SHANK2: variants seen among roughly 807,000 people sequenced by gnomAD.
SHANK2 encodes SH3 and multiple ankyrin repeat domains 2, also known as SH3 and multiple ankyrin repeat domains protein 2.
In SHANK2, 43 loss-of-function variants were observed where a neutral mutation model predicts 133.7. The observed-to-expected ratio is 0.32, with a 90% CI of 0.25 to 0.41. SHANK2 has a LOEUF of 0.41. SHANK2 is among the 10% of genes least tolerant of loss of function. The probability of loss-of-function intolerance (pLI) is 1.00; values close to 1 mark genes in which losing one functional copy is unlikely to be tolerated. For missense variants in SHANK2, 1,994 were observed against 2,235.8 expected (o/e 0.89, Z 2.18); for synonymous variants, 1,017 against 952.8 (o/e 1.07, Z -1.24).
In SHANK2 at chr11:70,486,817, C is replaced by G. The variant is rs1202700362; in HGVS notation, c.3476G>C (p.Gly1159Ala). 2.5e-6 allele frequency: 4 copies of G among 1,612,400 alleles called. No individual in the cohort carries two copies. Among genetic ancestry groups the G allele is most frequent in the Non-Finnish European group, 3.4e-6 (4 of 1,179,936 alleles). The change falls in exon 25 of 26, where the codon GGT (glycine) becomes GCT (alanine). Residue 1159 changes from glycine to alanine, a missense_variant. By Grantham distance (60) the Gly-to-Ala change is moderately conservative. Around this residue, in one of 5 missense-constraint regions of SHANK2, gnomAD observed 797 missense variants for 907.4 expected, o/e 0.88. Transcript: ENST00000601538. This position sits in a 1 kb window ranked among gnomAD's most constrained non-coding sequence, Gnocchi z 8.0. Reference sequence around the variant, plus strand: ...ACCCGGAGCACTGGCCTCGGCGCCACCCACGAAATGGTTTTCGGGCTCCCT... The same window carrying G: ...ACCCGGAGCACTGGCCTCGGCGCCAGCCACGAAATGGTTTTCGGGCTCCCT... ...TPREPENHFV[G>A]GAEASAPGEA...
At chr11:71,233,962 G>T (rs1462754511) in intron 1 of SHANK2, among the ~76,000 whole-genome samples, 1 of 151,916 alleles carries the variant, frequency 6.6e-6, no homozygotes, top group African/African-American at 2.4e-5. Context: ...CAGGAAAATT[G>T]CTTGAACCCG....
intron 11 of SHANK2, among the ~76,000 whole-genome samples, chr11:70,831,797 G>A (rs111854256): frequency 6.6e-6 from 1 of 152,224 alleles, no homozygotes; most frequent in Non-Finnish European, 1.5e-5. Flanking sequence ...GTTCAGTGGC[G>A]ATCAGACGCC....
At chr11:70,608,349 T>C (rs996494066) in intron 17 of SHANK2, among the ~76,000 whole-genome samples, 1 of 152,140 alleles carries the variant, frequency 6.6e-6, no homozygotes, top group Non-Finnish European at 1.5e-5. Context: ...AGGAGCTCCC[T>C]AGTTGAACAC....
chr11:71,162,267 C>T (rs1279395352), intron 2 of SHANK2, among the ~76,000 whole-genome samples: 13 of 152,188 alleles, frequency 8.5e-5, no homozygotes, highest in Non-Finnish European at 1.5e-4. Context: ...GACCTTCTTG[C>T]TGCATCATGA....
rs1381331122 is a variant in SHANK2, at chr11:70,940,583, AT to A, written c.1108-44017del. Among the ~76,000 whole-genome samples, 89 of 152,106 alleles carry A rather than the reference AT, an allele frequency of 5.9e-4. 1 individual carries two copies. Among genetic ancestry groups the A allele is most frequent in the African/African-American group, 2.1e-3 (86 of 41,502 alleles). ...CACAGCAGGCCCAGGACACAAAGGC[AT>A]CTCTCCCATTACCCAGTGCCCCTCC... On this transcript the variant is annotated intron_variant, in intron 10 of 25. Coordinates refer to ENST00000601538, the MANE Select transcript of SHANK2 (RefSeq NM_012309.5).
At chr11:70,612,410 A>G (rs577512980) in intron 17 of SHANK2, among the ~76,000 whole-genome samples, 1 of 152,252 alleles carries the variant, frequency 6.6e-6, no homozygotes, top group South Asian at 2.1e-4. Flanking sequence ...GAAGGCATGA[A>G]AGGTTGGGTT....
chr11:70,833,668 G>A (rs880002256), intron 11 of SHANK2, among the ~76,000 whole-genome samples: 7 of 152,266 alleles, frequency 4.6e-5, no homozygotes, highest in Non-Finnish European at 8.8e-5. Flanking sequence ...TGCATACTGG[G>A]TGCAGTACTT....
At chr11:70,637,690 C>T (rs1019040814) in intron 17 of SHANK2, among the ~76,000 whole-genome samples, 1 of 152,224 alleles carries the variant, frequency 6.6e-6, no homozygotes, top group Non-Finnish European at 1.5e-5. Flanking sequence ...CGAGGGGAGA[C>T]TGGCTGCTCC....
At chr11:70,731,504 A>G (rs1404762018) in intron 14 of SHANK2, among the ~76,000 whole-genome samples, 1 of 152,192 alleles carries the variant, frequency 6.6e-6, no homozygotes, top group Non-Finnish European at 1.5e-5. Context: ...ATCACACAGT[A>G]CACAATGTGT....
chr11:70,712,978 C>T (rs1355309487), intron 14 of SHANK2, among the ~76,000 whole-genome samples: 1 of 152,248 alleles, frequency 6.6e-6, no homozygotes, highest in African/African-American at 2.4e-5. Context: ...CCTCTTTGCT[C>T]GATGCTGGGA....
chr11:70,722,794 T>C (rs1031822683), intron 14 of SHANK2, among the ~76,000 whole-genome samples: 2 of 152,222 alleles, frequency 1.3e-5, no homozygotes, highest in Non-Finnish European at 2.9e-5. Context: ...TGACTTAACC[T>C]GGAGACTTAT....
At chr11:70,783,506 G>T (rs1947559840) in intron 14 of SHANK2, among the ~76,000 whole-genome samples, 1 of 148,992 alleles carries the variant, frequency 6.7e-6, no homozygotes, top group Non-Finnish European at 1.5e-5. Context: ...AGAGAAGCCA[G>T]CACAGCACAG....
At chr11:70,720,119 C>T (rs547916228) in intron 14 of SHANK2, among the ~76,000 whole-genome samples, 6 of 152,310 alleles carry the variant, frequency 3.9e-5, no homozygotes, top group Admixed American at 1.3e-4. Context: ...GGAACCAGCT[C>T]CATGAGGGCA....
rs145368872 is a variant in SHANK2, at chr11:70,828,696, G to A, written c.1175-8014C>T. ...GGCCTGGCTGCCTGCCCTGGCTGGC[G>A]AGCGCTGGGAGGCTGAGACGGGGAT... On this transcript the variant is annotated intron_variant, in intron 11 of 25. Coordinates refer to ENST00000601538, the MANE Select transcript of SHANK2 (RefSeq NM_012309.5). Among the ~76,000 whole-genome samples the A allele has an allele frequency of 6.6e-5, 10 of 152,328 alleles. No individual in the cohort carries two copies. In the East Asian group the frequency reaches 7.7e-4, roughly 12 times the overall value.
At chr11:71,206,279 A>AGCATCCGCACACC (rs1386457639) in intron 2 of SHANK2, among the ~76,000 whole-genome samples, 1 of 152,224 alleles carries the variant, frequency 6.6e-6, no homozygotes, top group Non-Finnish European at 1.5e-5. Context: ...CGTGATCAAC[A>AGCATCCGCACACC]GCATCCGCAC....
chr11:70,846,898 G>C (rs1949005265), intron 11 of SHANK2, among the ~76,000 whole-genome samples: 1 of 152,202 alleles, frequency 6.6e-6, no homozygotes, highest in Non-Finnish European at 1.5e-5. Context: ...CCCAGGCCCA[G>C]AGCATGGTTC....
chr11:71,159,773 C>G (rs1952974693), intron 2 of SHANK2, among the ~76,000 whole-genome samples: 1 of 152,080 alleles, frequency 6.6e-6, no homozygotes, highest in South Asian at 2.1e-4. Context: ...CACTTGAAGT[C>G]AGGAGTTCGA....
intron 15 of SHANK2, among the ~76,000 whole-genome samples, chr11:70,680,844 G>A (rs530791980): frequency 6.6e-6 from 1 of 152,250 alleles, no homozygotes; most frequent in Non-Finnish European, 1.5e-5. Flanking sequence ...TGCAGGCACC[G>A]TCCTCCTTGT....
At chr11:70,555,593 G>A (rs1198697228) in intron 17 of SHANK2, among the ~76,000 whole-genome samples, 1 of 152,186 alleles carries the variant, frequency 6.6e-6, no homozygotes, top group Non-Finnish European at 1.5e-5. Context: ...GGACATGGTG[G>A]CATGTGCTTG....
Sources: gnomAD v4.1 joint callset for allele counts (sites outside exome capture counted in the v4.1 genomes callset) on GRCh38, gnomAD v4.1.1 for gene constraint, gnomAD v4.1.1 regional missense constraint, Gnocchi (gnomAD v3.1) non-coding constraint, MANE v1.5 for transcripts, NCBI Gene and HGNC (gene_info 2026-07-23, HGNC 2026-07-21) for gene names.